Variants in HEATR4 observed in about 807,000 individuals in gnomAD.
The protein encoded by HEATR4 is HEAT repeat-containing protein 4.
In HEATR4, 95 loss-of-function variants were observed where a neutral mutation model predicts 108.8. The ratio of observed to expected loss-of-function variants is 0.87; its 90% CI spans 0.74 to 1.04. The LOEUF (loss-of-function observed/expected upper bound fraction) is 1.04. HEATR4 is among the 50% of genes least tolerant of loss of function. The pLI is 0.00. For missense variants in HEATR4, 1,152 were observed against 1,253.8 expected (o/e 0.92, Z 1.23); for synonymous variants, 443 against 459.4 (o/e 0.96, Z 0.46).
In HEATR4 at chr14:73,523,100, G is replaced by A; in HGVS notation, c.53C>T (p.Ser18Leu). The change falls in exon 3 of 18, where the codon TCA becomes TTA. Residue 18 changes from serine to leucine, a missense_variant. Coordinates refer to ENST00000553558, the MANE Select transcript of HEATR4 (RefSeq NM_001220484.1). ...GCCCCATCCCAGTCGTGGGGGCAGT[G>A]ACTGATAGAAGCAATGGGGGAGAAA... ...KTFLPHCFYQ[S>L]LPPRLGWGMI... 10 of 1,610,636 alleles carry A rather than the reference G, an allele frequency of 6.2e-6. No homozygotes were observed. The highest frequency in any genetic ancestry group is 8.5e-6 in the Non-Finnish European group (10 of 1,179,972).
At chr14:73,484,835 C>CACACAG (rs1555387415) in intron 17 of HEATR4, among the ~76,000 whole-genome samples, 3 of 139,754 alleles carry the variant, frequency 2.1e-5, no homozygotes, top group Non-Finnish European at 3.0e-5. Flanking sequence ...CACACACAGA[C>CACACAG]ACACACACAC....
In HEATR4 at chr14:73,537,698, C is replaced by T. The variant is rs776402521; in HGVS notation, c.-151-7454G>A. 21 of 1,247,114 alleles carry T rather than the reference C, an allele frequency of 1.7e-5. 1 individual carries two copies. Among genetic ancestry groups the T allele is most frequent in the Non-Finnish European group, 7.4e-6 (7 of 940,100 alleles). The allele number at this position is 1,247,114 out of a possible 1,614,324, so 77.3% of individuals were successfully genotyped here. ...GGAGCCCGAGAAACCCTTGGTGCGG[C>T]TGGTGAAGCGCGACGTGCGAACGCC... On this transcript the variant is annotated intron_variant, in intron 1 of 17. Transcript: ENST00000553558.
chr14:73,523,224 C>T lies in HEATR4; in HGVS notation c.-72G>A. The T allele has an allele frequency of 7.0e-7, 1 of 1,426,852 alleles. No individual in the cohort carries two copies. The allele number at this position is 1,426,852 out of a possible 1,614,324, so 88.4% of individuals were successfully genotyped here. ...AAAGGCCTGGAGATGAGACCTGGCACCTGTTAAGGGAATGGGAGGAACTGA... is the reference window on the plus strand; with the variant it reads ...AAAGGCCTGGAGATGAGACCTGGCATCTGTTAAGGGAATGGGAGGAACTGA... On this transcript the variant is annotated splice_region_variant and 5_prime_UTR_variant, in exon 3 of 18. It adds an upstream start codon to the 5' untranslated region. Transcript: ENST00000553558.
rs146650639 is a variant in HEATR4, at chr14:73,524,921, G to A, written c.-72-1697C>T. On this transcript the variant is annotated intron_variant, in intron 2 of 17. Transcript: ENST00000553558. ...TTTACTCCTTAACACCCAGCACATA[G>A]CCTCTCTCCCTAGGGCATGATTTCT... Among the ~76,000 whole-genome samples the A allele has an allele frequency of 2.4e-4, 36 of 152,216 alleles. No individual in the cohort carries two copies. The East Asian group carries it at 6.4e-3, about 27-fold the overall frequency.
At position 73,548,588 on chromosome 14, in the gene HEATR4, G is replaced by A. The variant is rs61987132; in HGVS notation, c.-152+10163C>T. 4.3e-4 allele frequency among the ~76,000 whole-genome samples: 50 copies of A among 115,658 alleles called. 4 individuals are homozygous for A. Among genetic ancestry groups the A allele is most frequent in the Middle Eastern group, 4.8e-3 (1 of 210 alleles). 75.9% of individuals were successfully genotyped at this position (115,658 alleles called of 152,430 possible). ...AGGTAAATACATGTGCATAAGGCAC[G>A]GAAGCACAGAATGGGAAAAGAAAGG... On this transcript the variant is annotated intron_variant, in intron 1 of 17. Coordinates refer to ENST00000553558, the MANE Select transcript of HEATR4 (RefSeq NM_001220484.1).
the HEATR4 span, among the ~76,000 whole-genome samples, chr14:73,588,786 CTTTTT>C: frequency 6.6e-6 from 1 of 151,776 alleles, no homozygotes; most frequent in Admixed American, 6.6e-5. Context: ...ATTTACTTTT[CTTTTT>C]TGTGTTTAAT....
the HEATR4 span, among the ~76,000 whole-genome samples, chr14:73,608,712 C>T: frequency 2.6e-5 from 4 of 152,172 alleles, no homozygotes; most frequent in South Asian, 2.1e-4. Context: ...GTGCCCCACT[C>T]TCTGTGATAC....
At chr14:73,552,233 G>T (rs1234151695) in intron 1 of HEATR4, among the ~76,000 whole-genome samples, 1 of 102,562 alleles carries the variant, frequency 9.8e-6, no homozygotes, top group Non-Finnish European at 2.0e-5. Flanking sequence ...GTACAGATTC[G>T]CCACCAGTAA....
chr14:73,589,321 CTTTTT>C, the HEATR4 span, among the ~76,000 whole-genome samples: 4 of 101,768 alleles, frequency 3.9e-5, no homozygotes, highest in East Asian at 3.1e-4. Flanking sequence ...TTTTTCTTTT[CTTTTT>C]CCCTTTCCTT....
chr14:73,492,761 C>G lies in HEATR4; in HGVS notation c.2844+305G>C, dbSNP rs772314263. The G allele has an allele frequency of 4.3e-6, 7 of 1,613,928 alleles. 1 individual carries two copies. The South Asian group carries it at 7.7e-5, about 18-fold the overall frequency. ...CTCCCGTGTGTATCATCTGGAAGAACCCAAGTGCTTGGAAATATACCCCCA... is the reference window on the plus strand; with the variant it reads ...CTCCCGTGTGTATCATCTGGAAGAAGCCAAGTGCTTGGAAATATACCCCCA... On this transcript the variant is annotated intron_variant, in intron 17 of 17. Coordinates refer to ENST00000553558, the MANE Select transcript of HEATR4 (RefSeq NM_001220484.1). This position sits in a 1 kb window ranked among gnomAD's most constrained non-coding sequence, Gnocchi z 4.9.
intron 1 of HEATR4, among the ~76,000 whole-genome samples, chr14:73,558,513 ATTTT>A (rs66706377): frequency 2.7e-5 from 2 of 73,526 alleles, no homozygotes. Flanking sequence ...TCTCGGTTAA[ATTTT>A]TTTTTTTTTT....
chr14:73,559,756 A>T (rs1372519146), upstream of HEATR4, among the ~76,000 whole-genome samples: 2 of 151,968 alleles, frequency 1.3e-5, no homozygotes, highest in Admixed American at 1.3e-4. Flanking sequence ...AGATAAAAAT[A>T]AAAAAACCCT....
the HEATR4 span, among the ~76,000 whole-genome samples, chr14:73,567,007 C>A: frequency 2.0e-5 from 3 of 152,066 alleles, no homozygotes; most frequent in African/African-American, 7.2e-5. Context: ...TGGGGTTTCA[C>A]TGTGTTAGCC....
At chr14:73,623,844 C>T in the HEATR4 span, among the ~76,000 whole-genome samples, 24 of 152,044 alleles carry the variant, frequency 1.6e-4, no homozygotes, top group African/African-American at 5.6e-4. Flanking sequence ...GCACTTCCTT[C>T]CCCTCTTTCC....
chr14:73,488,620 C>G lies in HEATR4; in HGVS notation c.2844+4446G>C, dbSNP rs574663482. ...TTAGGCCTCCCCAACCATGCTTCCT[C>G]TACAGCCTGAGGAACTGTGAGCCAA... On this transcript the variant is annotated intron_variant, in intron 17 of 17. Transcript: ENST00000553558. 1.2e-4 allele frequency among the ~76,000 whole-genome samples: 18 copies of G among 152,234 alleles called. No individual in the cohort carries two copies. The South Asian group carries it at 2.7e-3, about 23-fold the overall frequency.
chr14:73,532,151 A>G lies in HEATR4; in HGVS notation c.-151-1907T>C. ...GAACACATGACCACATAGCTCTGGC[A>G]GGCGTCAGATTACCAGGCTGATAAA... On this transcript the variant is annotated intron_variant, in intron 1 of 17. Transcript: ENST00000553558. 1.7e-5 allele frequency among the ~76,000 whole-genome samples: 2 copies of G among 116,250 alleles called. 1 individual carries two copies. Among genetic ancestry groups the G allele is most frequent in the Non-Finnish European group, 3.8e-5 (2 of 53,140 alleles). 76.3% of individuals were successfully genotyped at this position (116,250 alleles called of 152,430 possible). A position where few individuals can be genotyped will look rare whatever the true frequency, so the allele number is the denominator to read the frequency against.
At chr14:73,626,320 T>A in the HEATR4 span, among the ~76,000 whole-genome samples, 86 of 152,320 alleles carry the variant, frequency 5.6e-4, 1 homozygote, top group South Asian at 4.1e-3. Context: ...GTTTACAATT[T>A]TGTGTTGGGC....
At chr14:73,521,118 T>G in intron 3 of HEATR4, 79 bp from the exon 4 acceptor site, 2 of 1,240,602 alleles carry the variant, frequency 1.6e-6, no homozygotes, top group Non-Finnish European at 2.3e-6. Context: ...CCACAGCTCG[T>G]TCCCTTTCCT....
chr14:73,592,418 T>A, the HEATR4 span: 7 of 1,509,958 alleles, frequency 4.6e-6, no homozygotes, highest in Admixed American at 1.1e-4. Context: ...TGCCGCCAGG[T>A]GAGCCAGGCT....
Sources: allele counts gnomAD v4.1 joint callset (sites outside exome capture counted in the v4.1 genomes callset), GRCh38; gene constraint gnomAD v4.1.1; non-coding constraint Gnocchi (gnomAD v3.1); transcripts MANE v1.5; gene names NCBI Gene and HGNC (gene_info 2026-07-23, HGNC 2026-07-21).